Variants in FAM174B observed in about 807,000 individuals in gnomAD.
The protein encoded by FAM174B is membrane protein FAM174B.
A neutral mutation model predicts 10.9 loss-of-function variants in FAM174B; 12 were observed. The observed-to-expected ratio is 1.10, with a 90% confidence interval of 0.71 to 1.79. The LOEUF is 1.79. Among genes scored for constraint, FAM174B ranks in the 40% most tolerant of loss-of-function variants. The pLI is 0.00. For missense variants in FAM174B, 266 were observed against 233.3 expected (o/e 1.14, Z -0.91); for synonymous variants, 132 against 115.8 (o/e 1.14, Z -0.90).
At position 92,620,294 on chromosome 15, in the gene FAM174B, C is replaced by A. The variant is rs552360601; in HGVS notation, c.477-835G>T. Among the ~76,000 whole-genome samples the A allele has an allele frequency of 7.2e-5, 11 of 152,234 alleles. No homozygotes were observed. The South Asian group carries it at 2.3e-3, about 32-fold the overall frequency. The stretch of plus-strand genomic sequence containing the variant: ...CGGATGGATCACAAGGTCAGGAGAT[C>A]GCGACCATCCTGGCTAACATGGTGA... On this transcript the variant is annotated intron_variant, in intron 2 of 2. Coordinates refer to ENST00000327355, the MANE Select transcript of FAM174B (RefSeq NM_207446.3).
In FAM174B at chr15:92,645,064, G is replaced by T. The variant is rs536428400; in HGVS notation, c.344+10252C>A. 2.6e-5 allele frequency among the ~76,000 whole-genome samples: 4 copies of T among 152,340 alleles called. No individual in the cohort carries two copies. The East Asian group carries it at 7.7e-4, about 29-fold the overall frequency. ...ATCTCTGACTTGGTTCTCTGACCAT[G>T]GTTCATTAGGTCCTACGTGCCAAGC... is the stretch of plus-strand genomic sequence containing the variant. On this transcript the variant is annotated intron_variant, in intron 1 of 2. Coordinates refer to ENST00000327355, the MANE Select transcript of FAM174B (RefSeq NM_207446.3).
chr15:92,631,179 T>TAA (rs2050798667), intron 1 of FAM174B, among the ~76,000 whole-genome samples: 1 of 27,850 alleles, frequency 3.6e-5, no homozygotes, highest in Non-Finnish European at 7.8e-5. Flanking sequence ...AATTTATATA[T>TAA]TATATTATAT....
chr15:92,630,902 A>G (rs186970684), intron 1 of FAM174B, among the ~76,000 whole-genome samples: 232 of 38,066 alleles, frequency 6.1e-3, no homozygotes, highest in Non-Finnish European at 0.013. Flanking sequence ...TACATATTAC[A>G]TATTATATAT....
At chr15:92,633,191 G>A (rs1596298230) in intron 1 of FAM174B, among the ~76,000 whole-genome samples, 1 of 152,202 alleles carries the variant, frequency 6.6e-6, no homozygotes, top group East Asian at 1.9e-4. Flanking sequence ...CGCTATTCCC[G>A]AGTGGAGACC....
In FAM174B at chr15:92,650,949, T is replaced by C. The variant is rs7170219; in HGVS notation, c.344+4367A>G. Reference sequence around the variant, plus strand: ...AGCCAGCTTTCCCTCCTTCCGATTTTTGTCTCCTGTCTAAAAATGGTTTGC... The same window carrying C: ...AGCCAGCTTTCCCTCCTTCCGATTTCTGTCTCCTGTCTAAAAATGGTTTGC... On this transcript the variant is annotated intron_variant, in intron 1 of 2. Coordinates refer to ENST00000327355, the MANE Select transcript of FAM174B (RefSeq NM_207446.3). Among the ~76,000 whole-genome samples, 724 of 152,284 alleles carry C rather than the reference T, an allele frequency of 4.8e-3. 2 individuals carry two copies. The highest frequency in any genetic ancestry group is 0.016 in the African/African-American group (673 of 41,546).
rs998061531 is a variant in FAM174B, at chr15:92,651,049, T to C, written c.344+4267A>G. 3.9e-5 allele frequency among the ~76,000 whole-genome samples: 6 copies of C among 152,322 alleles called. No homozygotes were observed. The East Asian group carries it at 1.2e-3, about 29-fold the overall frequency. ...GAAATCAGATTGATTAAGGAGAACA[T>C]TTGGAAGAGACAGAGGCTCAACTAT... On this transcript the variant is annotated intron_variant, in intron 1 of 2. Transcript: ENST00000327355.
At chr15:92,649,257 A>C (rs1324928040) in intron 1 of FAM174B, among the ~76,000 whole-genome samples, 2 of 152,244 alleles carry the variant, frequency 1.3e-5, no homozygotes, top group Non-Finnish European at 2.9e-5. Flanking sequence ...ATTTGATAGA[A>C]GGAATCCACG....
At chr15:92,632,976 G>C (rs559072580) in intron 1 of FAM174B, among the ~76,000 whole-genome samples, 31 of 152,228 alleles carry the variant, frequency 2.0e-4, no homozygotes, top group Admixed American at 7.9e-4. Flanking sequence ...GACGCCACTG[G>C]GAATAACACT....
chr15:92,630,262 T>C lies in FAM174B; in HGVS notation c.428A>G (p.Glu143Gly), dbSNP rs1440596407. The change falls in exon 2 of 3, where the codon GAA (glutamate) becomes GGA (glycine). Residue 143 changes from glutamate to glycine, a missense_variant. By Grantham distance (98) the Glu-to-Gly change is moderately conservative. Coordinates refer to ENST00000327355, the MANE Select transcript of FAM174B (RefSeq NM_207446.3). ...GGAGTCCTCATCTTCATCATCCTCT[T>C]CATTTAGTGGCGCCATTTCCACTCG... ...AERVEMAPLNEEDDEDEDSTV... is the reference protein window; with the variant it reads ...AERVEMAPLNGEDDEDEDSTV... 1 of 1,613,850 alleles carries C rather than the reference T, an allele frequency of 6.2e-7. No individual in the cohort carries two copies. Among genetic ancestry groups the C allele is most frequent in the Non-Finnish European group, 8.5e-7 (1 of 1,179,820 alleles).
chr15:92,643,685 T>C (rs17523950), intron 1 of FAM174B, among the ~76,000 whole-genome samples: 1,703 of 152,218 alleles, frequency 0.011, 18 homozygotes, highest in Middle Eastern at 0.024. Flanking sequence ...GCTGACTCCA[T>C]GTGGCTTTGC....
chr15:92,642,226 G>A (rs1311482244), intron 1 of FAM174B, among the ~76,000 whole-genome samples: 1 of 152,150 alleles, frequency 6.6e-6, no homozygotes, highest in Non-Finnish European at 1.5e-5. Flanking sequence ...ATGTAAACTA[G>A]TACAGCAATT....
Position 92,617,798 on chromosome 15 carries a change from CAG to C in FAM174B, c.*1656_*1657del. 1 of 519,980 alleles carries C rather than the reference CAG, an allele frequency of 1.9e-6. No homozygotes were observed. Among genetic ancestry groups the C allele is most frequent in the Non-Finnish European group, 3.4e-6 (1 of 295,364 alleles). The allele number at this position is 519,980 out of a possible 1,614,324, so 32.2% of individuals were successfully genotyped here. On this transcript the variant is annotated 3_prime_UTR_variant, in exon 3 of 3. Transcript: ENST00000327355. ...TTGCCAGTCCCACCCCTCTGGCAAA[CAG>C]ATGGGGGAAAACAGAGAAGGAAAGT...
rs1596292282 is a variant in FAM174B at position 92,619,705 on chromosome 15, A to G, written c.477-246T>C. 3 of 566,488 alleles carry G rather than the reference A, an allele frequency of 5.3e-6. No homozygotes were observed. In the East Asian group the frequency reaches 8.6e-5, roughly 16 times the overall value. 35.1% of individuals were successfully genotyped at this position (566,488 alleles called of 1,614,324 possible). ...CCCCACACAGACTCCCTAGAACACA[A>G]CCTCTTTCTCCTTATATCCCTCTCC... On this transcript the variant is annotated intron_variant, in intron 2 of 2. Coordinates refer to ENST00000327355, the MANE Select transcript of FAM174B (RefSeq NM_207446.3).
At chr15:92,655,204 T>C in intron 1 of FAM174B, 112 bp downstream of exon 1, 1 of 1,388,720 alleles carries the variant, frequency 7.2e-7, no homozygotes, top group Non-Finnish European at 9.3e-7. Flanking sequence ...CACGGCTGGC[T>C]GGGGCGCACC....
rs529498146 is a variant in FAM174B, at chr15:92,651,667, T to C, written c.344+3649A>G. Among the ~76,000 whole-genome samples the C allele has an allele frequency of 5.3e-5, 8 of 152,372 alleles. No homozygotes were observed. In the South Asian group the frequency reaches 1.7e-3, roughly 32 times the overall value. ...AGATTGCCATGATTTGCTTAACCAATGCCCAGTTGTTGGACACTTGGATTA... is the reference window on the plus strand; with the variant it reads ...AGATTGCCATGATTTGCTTAACCAACGCCCAGTTGTTGGACACTTGGATTA... On this transcript the variant is annotated intron_variant, in intron 1 of 2. Coordinates refer to ENST00000327355, the MANE Select transcript of FAM174B (RefSeq NM_207446.3).
In FAM174B at chr15:92,650,546, T is replaced by C. The variant is rs146334075; in HGVS notation, c.344+4770A>G. ...AAGGATCCCCAGGATGAAAGGAACG[T>C]TGTGGTTTCGAGGTGGCAGGGTTTT... On this transcript the variant is annotated intron_variant, in intron 1 of 2. Transcript: ENST00000327355. 1.4e-3 allele frequency among the ~76,000 whole-genome samples: 207 copies of C among 152,192 alleles called. 1 individual carries two copies. Among genetic ancestry groups the C allele is most frequent in the Middle Eastern group, 6.8e-3 (2 of 294 alleles).
intron 1 of FAM174B, among the ~76,000 whole-genome samples, chr15:92,638,654 CG>C (rs2050871293): frequency 6.6e-6 from 1 of 151,992 alleles, no homozygotes; most frequent in Non-Finnish European, 1.5e-5. Flanking sequence ...GTCATGAACC[CG>C]AATTTCTTCA....
intron 2 of FAM174B, among the ~76,000 whole-genome samples, chr15:92,620,539 G>T (rs1265827451): frequency 6.6e-6 from 1 of 151,832 alleles, no homozygotes; most frequent in Non-Finnish European, 1.5e-5. Context: ...CTGTGGCCAG[G>T]CTTGGTGGCT....
intron 1 of FAM174B, among the ~76,000 whole-genome samples, chr15:92,648,973 A>G (rs1380954354): frequency 2.6e-5 from 4 of 152,240 alleles, no homozygotes; most frequent in Non-Finnish European, 5.9e-5. Context: ...TCATAAAACT[A>G]AAGTACTAAC....
Sources: allele counts gnomAD v4.1 joint callset (sites outside exome capture counted in the v4.1 genomes callset), GRCh38; gene constraint gnomAD v4.1.1; transcripts MANE v1.5; gene names NCBI Gene and HGNC (gene_info 2026-07-23, HGNC 2026-07-21).